CHLSN: variants seen among roughly 807,000 people sequenced by gnomAD.
CHLSN encodes the protein protein cholesin.
the CHLSN span, among the ~76,000 whole-genome samples, chr7:1,110,422 G>A: frequency 6.6e-6 from 1 of 152,202 alleles, no homozygotes; most frequent in Non-Finnish European, 1.5e-5. Context: ...GGCACCTCCC[G>A]GGCCAAGGTC....
chr7:1,085,252 G>A, the CHLSN span, among the ~76,000 whole-genome samples: 1 of 152,146 alleles, frequency 6.6e-6, no homozygotes, highest in Non-Finnish European at 1.5e-5. Flanking sequence ...TTCTATCCTG[G>A]GGATGAACAG....
At chr7:1,019,547 T>C in the CHLSN span, among the ~76,000 whole-genome samples, 2 of 152,152 alleles carry the variant, frequency 1.3e-5, no homozygotes, top group Admixed American at 6.5e-5. Flanking sequence ...TTCAAAACAG[T>C]GAAGCCCTGA....
At chr7:981,434 C>T in the CHLSN span, among the ~76,000 whole-genome samples, 1 of 152,154 alleles carries the variant, frequency 6.6e-6, no homozygotes, top group Admixed American at 6.5e-5. Context: ...CTCTAGACTC[C>T]GTCTCTAAAA....
chr7:991,706 T>C, the CHLSN span, among the ~76,000 whole-genome samples: 2 of 152,210 alleles, frequency 1.3e-5, no homozygotes, highest in Non-Finnish European at 2.9e-5. Flanking sequence ...TTAAAAATGG[T>C]GATAAAATAC....
chr7:1,114,463 G>C, the CHLSN span, among the ~76,000 whole-genome samples: 1 of 152,238 alleles, frequency 6.6e-6, no homozygotes, highest in African/African-American at 2.4e-5. Flanking sequence ...TTTAGACTCG[G>C]AGAATGAAAC....
At chr7:1,031,168 C>A in the CHLSN span, among the ~76,000 whole-genome samples, 1 of 152,212 alleles carries the variant, frequency 6.6e-6, no homozygotes, top group Admixed American at 6.5e-5. Flanking sequence ...TGCTTCCGTA[C>A]ACGGGATGCC....
the CHLSN span, among the ~76,000 whole-genome samples, chr7:1,072,959 C>T: frequency 5.1e-4 from 77 of 152,304 alleles, no homozygotes; most frequent in Non-Finnish European, 9.4e-4. Context: ...TTTCTTTAAT[C>T]GTTACAGGAC....
At chr7:1,114,387 CCT>C in the CHLSN span, among the ~76,000 whole-genome samples, 3 of 152,360 alleles carry the variant, frequency 2.0e-5, no homozygotes, top group East Asian at 1.9e-4. Context: ...CAAATGCGCC[CCT>C]GTCACCAGCG....
chr7:985,717 C>A, the CHLSN span, among the ~76,000 whole-genome samples: 1 of 152,236 alleles, frequency 6.6e-6, no homozygotes, highest in African/African-American at 2.4e-5. Context: ...AAAGTTCACC[C>A]CTCTGATGTT....
At chr7:1,070,151 G>A in the CHLSN span, among the ~76,000 whole-genome samples, 1 of 98,474 alleles carries the variant, frequency 1.0e-5, no homozygotes, top group African/African-American at 4.1e-5. Flanking sequence ...CCTCCGCCCG[G>A]CAGCTGCCCC....
the CHLSN span, among the ~76,000 whole-genome samples, chr7:1,008,945 A>AC: frequency 0.12 from 18,377 of 151,064 alleles, 1,308 homozygotes; most frequent in Middle Eastern, 0.29. Context: ...GCACACGCAC[A>AC]CCCCCTCATG....
the CHLSN span, among the ~76,000 whole-genome samples, chr7:1,119,926 G>A: frequency 2.7e-5 from 4 of 149,592 alleles, no homozygotes; most frequent in African/African-American, 9.8e-5. Flanking sequence ...TCTAAGGCAA[G>A]TGTATCTTTC....
the CHLSN span, among the ~76,000 whole-genome samples, chr7:1,051,151 G>A: frequency 1.3e-5 from 2 of 152,234 alleles, no homozygotes; most frequent in Middle Eastern, 3.2e-3. Flanking sequence ...CAGCGTGTGG[G>A]CAGAGGCCCA....
At chr7:1,015,620 C>G in the CHLSN span, among the ~76,000 whole-genome samples, 1 of 152,240 alleles carries the variant, frequency 6.6e-6, no homozygotes, top group South Asian at 2.1e-4. Context: ...CAGGGAGGAC[C>G]CAGGACTGAC....
chr7:1,094,714 AAC>A, the CHLSN span, among the ~76,000 whole-genome samples: 7 of 151,996 alleles, frequency 4.6e-5, no homozygotes, highest in Non-Finnish European at 7.4e-5. Context: ...GACATAACAC[AAC>A]CACAGTGAGC....
At chr7:1,070,445 C>T in the CHLSN span, among the ~76,000 whole-genome samples, 19 of 121,566 alleles carry the variant, frequency 1.6e-4, 1 homozygote, top group African/African-American at 3.9e-4. Context: ...GTGAGGAGCC[C>T]CTCTGCCCGG....
chr7:1,016,539 C>G, the CHLSN span, among the ~76,000 whole-genome samples: 1 of 144,826 alleles, frequency 6.9e-6, no homozygotes, highest in East Asian at 2.1e-4. Context: ...CAGCACAAAG[C>G]AGCGCACGCC....
At chr7:1,086,505 C>T in the CHLSN span, among the ~76,000 whole-genome samples, 40 of 152,328 alleles carry the variant, frequency 2.6e-4, no homozygotes, top group African/African-American at 9.4e-4. Flanking sequence ...AAAAAATTAA[C>T]ACAGCATTCT....
chr7:1,034,639 G>A, the CHLSN span, among the ~76,000 whole-genome samples: 1 of 152,134 alleles, frequency 6.6e-6, no homozygotes, highest in African/African-American at 2.4e-5. Context: ...TAGGTTTAGG[G>A]GTGCCTGTGC....
Sources: allele counts gnomAD v4.1 joint callset (sites outside exome capture counted in the v4.1 genomes callset), GRCh38; gene constraint gnomAD v4.1.1; transcripts MANE v1.5; gene names NCBI Gene and HGNC (gene_info 2026-07-23, HGNC 2026-07-21).